Variants in KBTBD3 observed in about 807,000 individuals in gnomAD.
KBTBD3 encodes the protein kelch repeat and BTB domain containing 3, also known as kelch repeat and BTB domain-containing protein 3.
KBTBD3 carries 38 observed loss-of-function variants against 49.6 expected under a neutral mutation model. That is an observed-to-expected ratio of 0.77 (90% confidence interval 0.59 to 1.00). The LOEUF (loss-of-function observed/expected upper bound fraction) is 1.00, where lower values mean the gene tolerates loss of function less well. Among genes scored for constraint, KBTBD3 ranks in the 50% least tolerant of loss-of-function variants. The pLI is 0.00. For synonymous variants in KBTBD3, 214 were observed against 250.4 expected (o/e 0.85, Z 1.37); for missense variants, 661 against 712.0 (o/e 0.93, Z 0.81).
At chr11:106,068,170 T>A (rs1860847269) in intron 2 of KBTBD3, among the ~76,000 whole-genome samples, 1 of 152,006 alleles carries the variant, frequency 6.6e-6, no homozygotes, top group African/African-American at 2.4e-5. Context: ...TTCAACACTC[T>A]TCTCTCTAAA....
At chr11:106,074,288 C>T (rs1459384952) in intron 2 of KBTBD3, among the ~76,000 whole-genome samples, 1 of 152,058 alleles carries the variant, frequency 6.6e-6, no homozygotes, top group African/African-American at 2.4e-5. Context: ...TTTCTACTTC[C>T]TAAATCCAGA....
Position 106,053,599 on chromosome 11 carries a change from C to A in KBTBD3, c.1090G>T (p.Glu364Ter). The change falls in exon 4 of 4, where the codon GAG (glutamate) becomes TAG (stop). Residue 364 changes from glutamate (E) to a stop codon, truncating the protein, a stop_gained. Coordinates refer to ENST00000531837, the MANE Select transcript of KBTBD3 (RefSeq NM_198439.3). LOFTEE classifies it high-confidence loss of function. ...CCRTVRLHIA[E>*]SYHDATDQTW... ...TGATCAGTGGCATCATGATATGACT[C>A]GGCAATATGCAGTCGAACCGTTCGA... 6.2e-7 allele frequency: 1 copy of A among 1,613,812 alleles called. No homozygotes were observed. The highest frequency in any genetic ancestry group is 8.5e-7 in the Non-Finnish European group (1 of 1,179,896).
chr11:106,056,399 CAAA>C (rs1366190115), intron 3 of KBTBD3, among the ~76,000 whole-genome samples: 1 of 151,956 alleles, frequency 6.6e-6, no homozygotes, highest in Non-Finnish European at 1.5e-5. Context: ...GAAATATGTG[CAAA>C]AATTATATGT....
intron 2 of KBTBD3, among the ~76,000 whole-genome samples, chr11:106,062,721 C>T (rs369091457): frequency 3.3e-5 from 5 of 152,256 alleles, no homozygotes; most frequent in South Asian, 2.1e-4. Flanking sequence ...TCCTTACAGA[C>T]ACATTCAGAA....
chr11:106,055,308 T>C (rs1257337090), intron 3 of KBTBD3, among the ~76,000 whole-genome samples: 1 of 152,176 alleles, frequency 6.6e-6, no homozygotes, highest in Non-Finnish European at 1.5e-5. Context: ...TTGCTTCTGG[T>C]TTAATAATGA....
At position 106,054,570 on chromosome 11, in the gene KBTBD3, ATT is replaced by A. The variant is rs957708417; in HGVS notation, c.234-117_234-116del. On this transcript the variant is annotated intron_variant, in intron 3 of 3. Coordinates refer to ENST00000531837, the MANE Select transcript of KBTBD3 (RefSeq NM_198439.3). ...GACTTAAATATATTTATAAAAGCAT[ATT>A]TTAATTGCCTCCTAATTAATATCTA... 12 of 570,518 alleles carry A rather than the reference ATT, an allele frequency of 2.1e-5. No homozygotes were observed. The African/African-American group carries it at 2.3e-4, about 11-fold the overall frequency. The allele number at this position is 570,518 out of a possible 1,614,324, so 35.3% of individuals were successfully genotyped here.
At chr11:106,067,947 G>A (rs1488889005) in intron 2 of KBTBD3, among the ~76,000 whole-genome samples, 1 of 151,754 alleles carries the variant, frequency 6.6e-6, no homozygotes, top group Non-Finnish European at 1.5e-5. Flanking sequence ...TACTATGCAA[G>A]CATTAATTAA....
At chr11:106,077,275 C>T (rs1437289788) in intron 1 of KBTBD3, 37 bp downstream of exon 1, 4 of 181,878 alleles carry the variant, frequency 2.2e-5, no homozygotes, top group South Asian at 8.6e-5. Flanking sequence ...TAAGGGCTAC[C>T]ATCCCACTCC....
In KBTBD3 at chr11:106,053,407, T is replaced by G. The variant is rs202129182; in HGVS notation, c.1282A>C (p.Asn428His). ...IKSLLDVESY[N>H]PLSKEWISVS... Reference sequence around the variant, plus strand: ...GATATCCATTCTTTGGAAAGAGGATTGTAAGATTCAACATCTAAGAGACTT... The same window carrying G: ...GATATCCATTCTTTGGAAAGAGGATGGTAAGATTCAACATCTAAGAGACTT... The change falls in exon 4 of 4, where the codon AAT (asparagine) becomes CAT (histidine). Residue 428 changes from asparagine (N) to histidine (H), a missense_variant. By Grantham distance (68) the Asn-to-His change is moderately conservative (BLOSUM62 1). Transcript: ENST00000531837. The G allele has an allele frequency of 7.9e-5, 128 of 1,613,306 alleles. No homozygotes were observed. The highest frequency in any genetic ancestry group is 1.1e-4 in the Non-Finnish European group (124 of 1,179,768).
chr11:106,068,404 A>T (rs967433697), intron 2 of KBTBD3, among the ~76,000 whole-genome samples: 2 of 152,206 alleles, frequency 1.3e-5, no homozygotes, highest in Non-Finnish European at 2.9e-5. Flanking sequence ...CCATGGATCA[A>T]AGAGAAAGTT....
At position 106,058,379 on chromosome 11, in the gene KBTBD3, TAA is replaced by T. The variant is rs368865758; in HGVS notation, c.233+484_233+485del. On this transcript the variant is annotated intron_variant, in intron 3 of 3. Transcript: ENST00000531837. ...CTGGGCGACAGAGCGAGACTCCCTC[TAA>T]AAAAAAAAAAAAATCATTAGTTAAT... Among the ~76,000 whole-genome samples the T allele has an allele frequency of 2.2e-4, 31 of 139,824 alleles. No individual in the cohort carries two copies. In the East Asian group the frequency reaches 2.4e-3, roughly 11 times the overall value. The allele number at this position is 139,824 out of a possible 152,430, so 91.7% of individuals were successfully genotyped here. A position where few individuals can be genotyped will look rare whatever the true frequency, so the allele number is the denominator to read the frequency against.
intron 3 of KBTBD3, among the ~76,000 whole-genome samples, chr11:106,056,220 C>T (rs1287485966): frequency 2.0e-5 from 3 of 152,082 alleles, no homozygotes; most frequent in African/African-American, 7.2e-5. Flanking sequence ...TACATATGTA[C>T]ATATTTTAAT....
At chr11:106,058,757 A>G (rs1320982218) in intron 3 of KBTBD3, 108 bp downstream of exon 3, 12 of 698,002 alleles carry the variant, frequency 1.7e-5, no homozygotes, top group Non-Finnish European at 2.1e-5. Flanking sequence ...TTTTTTTAGA[A>G]TTAAAAATTA....
intron 2 of KBTBD3, among the ~76,000 whole-genome samples, chr11:106,063,664 G>A (rs139178614): frequency 2.0e-5 from 3 of 152,302 alleles, no homozygotes; most frequent in Admixed American, 2.0e-4. Context: ...CGGGTGCAGT[G>A]GCTTATGCCT....
chr11:106,058,734 T>G (rs916039967), intron 3 of KBTBD3, 131 bp downstream of exon 3: 2 of 664,618 alleles, frequency 3.0e-6, no homozygotes, highest in African/African-American at 3.9e-5. Context: ...TAATTAGGTT[T>G]TGTTTTTGTT....
intron 2 of KBTBD3, among the ~76,000 whole-genome samples, chr11:106,074,056 C>T (rs754057830): frequency 2.9e-4 from 44 of 151,860 alleles, no homozygotes; most frequent in Non-Finnish European, 4.6e-4. Flanking sequence ...AGAAATACAG[C>T]GAAAAACAAC....
At chr11:106,075,167 G>C (rs1861003538) in intron 2 of KBTBD3, among the ~76,000 whole-genome samples, 1 of 152,168 alleles carries the variant, frequency 6.6e-6, no homozygotes, top group East Asian at 1.9e-4. Context: ...CACCAAGCAA[G>C]ATGATCATTA....
At position 106,053,900 on chromosome 11, in the gene KBTBD3, T is replaced by C. The variant is rs749554606; in HGVS notation, c.789A>G (p.Lys263=). 8.1e-6 allele frequency: 13 copies of C among 1,613,898 alleles called. No individual in the cohort carries two copies. Among genetic ancestry groups the C allele is most frequent in the Non-Finnish European group, 1.1e-5 (13 of 1,179,916 alleles). The change falls in exon 4 of 4, where the codon AAA becomes AAG. Residue 263 remains lysine, a synonymous_variant. Coordinates refer to ENST00000531837, the MANE Select transcript of KBTBD3 (RefSeq NM_198439.3). ...TGATTATGTCAAAACAGTTTGTGCT[T>C]TTGAGTAAACTCTCTTCATTGAACA... ...DCLFNEESLL[K]STNCFDIIMD...
At chr11:106,069,006 T>C (rs1007250054) in intron 2 of KBTBD3, among the ~76,000 whole-genome samples, 1 of 151,994 alleles carries the variant, frequency 6.6e-6, no homozygotes, top group Non-Finnish European at 1.5e-5. Context: ...CAACACCCAG[T>C]TATGGGGAAA....
Sources: allele counts gnomAD v4.1 joint callset (sites outside exome capture counted in the v4.1 genomes callset), GRCh38; gene constraint gnomAD v4.1.1; transcripts MANE v1.5; gene names NCBI Gene and HGNC (gene_info 2026-07-23, HGNC 2026-07-21).